Variants in MTMR6 observed in about 807,000 individuals in gnomAD.
MTMR6 encodes myotubularin related protein 6.
In MTMR6, 47 loss-of-function variants were observed where a neutral mutation model predicts 80.1. The ratio of observed to expected loss-of-function variants is 0.59; its 90% CI spans 0.46 to 0.75. The LOEUF is 0.75. Among genes scored for constraint, MTMR6 ranks in the 30% least tolerant of loss-of-function variants. MTMR6 has a pLI of 0.00. For missense variants in MTMR6, 629 were observed against 730.9 expected (o/e 0.86, Z 1.61); for synonymous variants, 254 against 253.0 (o/e 1.00, Z -0.04).
At chr13:25,272,772 G>A (rs1012745351) in intron 2 of MTMR6, among the ~76,000 whole-genome samples, 2 of 152,150 alleles carry the variant, frequency 1.3e-5, no homozygotes, top group Non-Finnish European at 2.9e-5. Flanking sequence ...TAAAGGCCAT[G>A]ATTTTGTTCT....
At position 25,251,659 on chromosome 13, in the gene MTMR6, T is replaced by A. The variant is rs1392892050; in HGVS notation, c.1595A>T (p.Asp532Val). ...QNKQLEKDIK[D>V]LESKIKQRKN... Reference sequence around the variant, plus strand: ...CTTCAGAATACTTACAGATTCTAGGTCTTTAATATCTTTCTCTAATTGTTT... The same window carrying A: ...CTTCAGAATACTTACAGATTCTAGGACTTTAATATCTTTCTCTAATTGTTT... The change falls in exon 13 of 14, where the codon GAC becomes GTC. Residue 532 changes from aspartate to valine, a missense_variant. Physicochemically the swap from Asp to Val is radical, Grantham distance 152 (BLOSUM62 -3). Transcript: ENST00000381801. This position sits in a 1 kb window ranked among gnomAD's most constrained non-coding sequence, Gnocchi z 4.1. 6.7e-7 allele frequency: 1 copy of A among 1,498,096 alleles called. No individual in the cohort carries two copies. The highest frequency in any genetic ancestry group is 1.2e-5 in the South Asian group (1 of 85,508). The allele number at this position is 1,498,096 out of a possible 1,614,324, so 92.8% of individuals were successfully genotyped here.
intron 6 of MTMR6, chr13:25,260,518 G>T: frequency 1.4e-6 from 1 of 722,606 alleles, no homozygotes; most frequent in Non-Finnish European, 2.0e-6. Context: ...TTCTAAAATA[G>T]TGACCATTCC....
In MTMR6 at chr13:25,249,290, G is replaced by GA. The variant is rs1225797316; in HGVS notation, c.1807dup (p.Ser603PhefsTer2). 5.0e-6 allele frequency: 8 copies of GA among 1,614,072 alleles called. No homozygotes were observed. Among genetic ancestry groups the GA allele is most frequent in the Non-Finnish European group, 6.8e-6 (8 of 1,179,956 alleles). On this transcript the variant is annotated frameshift_variant, in exon 14 of 14. Transcript: ENST00000381801. LOFTEE classifies it high-confidence loss of function. ...GCTGACCACAGCAGGTTCTGATTTA[G>GA]AAAACTCTTCTGCATATTCACTATA...
chr13:25,260,854 C>T (rs934733346), intron 6 of MTMR6, among the ~76,000 whole-genome samples: 3 of 152,032 alleles, frequency 2.0e-5, no homozygotes, highest in African/African-American at 7.2e-5. Flanking sequence ...ACACAAGATG[C>T]CTAAGATAAC....
chr13:25,275,831 C>T (rs960265133), intron 1 of MTMR6, among the ~76,000 whole-genome samples: 8 of 139,758 alleles, frequency 5.7e-5, no homozygotes, highest in African/African-American at 1.7e-4. Flanking sequence ...ACTGCACTCC[C>T]GCCTGGGCAA....
intron 8 of MTMR6, 90 bp downstream of exon 8, chr13:25,257,646 G>T: frequency 1.1e-6 from 1 of 911,752 alleles, no homozygotes; most frequent in African/African-American, 1.6e-5. Context: ...AAAGTTATCT[G>T]ATGAATAGAT....
At chr13:25,279,007 A>G (rs1957785474) in intron 1 of MTMR6, among the ~76,000 whole-genome samples, 1 of 152,242 alleles carries the variant, frequency 6.6e-6, no homozygotes, top group African/African-American at 2.4e-5. Flanking sequence ...AATTCACTCA[A>G]CAAAAATGTA....
rs1261763810 is a variant in MTMR6, at chr13:25,246,821, C to A, written c.*2411G>T. ...CAAGATTCCCTGAGCTACTTCTAGC[C>A]TAGCTGACCTTTTCAAAACACCCTC... On this transcript the variant is annotated 3_prime_UTR_variant, in exon 14 of 14. Transcript: ENST00000381801. 2 of 152,508 alleles carry A rather than the reference C, an allele frequency of 1.3e-5. No homozygotes were observed. Among genetic ancestry groups the A allele is most frequent in the African/African-American group, 4.8e-5 (2 of 41,422 alleles). The allele number at this position is 152,508 out of a possible 1,614,324, so 9.4% of individuals were successfully genotyped here. A position where few individuals can be genotyped will look rare whatever the true frequency, so the allele number is the denominator to read the frequency against.
chr13:25,251,939 G>A lies in MTMR6; in HGVS notation c.1392C>T (p.Asp464=). The part of the protein sequence containing the change: ...TYSLWPFLLE[D]QKKYLNPLYS... ...AGAGAGGATTTAAGTACTTCTTTTG[G>A]TCTTCCAAAAGAAATGGCCACAGGG... Residue 464 remains aspartate, a synonymous_variant, in exon 12 of 14, where the codon GAC becomes GAT. Coordinates refer to ENST00000381801, the MANE Select transcript of MTMR6 (RefSeq NM_004685.5). The surrounding 1 kb of genome is among the most constrained non-coding windows in gnomAD (Gnocchi z 4.1). 6.2e-7 allele frequency: 1 copy of A among 1,610,240 alleles called. No individual in the cohort carries two copies. The highest frequency in any genetic ancestry group is 8.5e-7 in the Non-Finnish European group (1 of 1,178,854).
Position 25,251,583 on chromosome 13 carries a change from C to A in MTMR6, c.1605+66G>T, listed in dbSNP as rs955434974. On this transcript the variant is annotated intron_variant, in intron 13 of 13. Transcript: ENST00000381801. This position sits in a 1 kb window ranked among gnomAD's most constrained non-coding sequence, Gnocchi z 4.1. Reference sequence around the variant, plus strand: ...TATGTGCTGATTTACACCAACAATACAAATATTAGTCTAATCGTAAACTAA... The same window carrying A: ...TATGTGCTGATTTACACCAACAATAAAAATATTAGTCTAATCGTAAACTAA... The A allele has an allele frequency of 7.3e-5, 97 of 1,329,654 alleles. No individual in the cohort carries two copies. Among genetic ancestry groups the A allele is most frequent in the Middle Eastern group, 2.7e-4 (1 of 3,754 alleles). The allele number at this position is 1,329,654 out of a possible 1,614,324, so 82.4% of individuals were successfully genotyped here.
intron 2 of MTMR6, 57 bp downstream of exon 2, chr13:25,274,014 A>T: frequency 1.7e-6 from 2 of 1,180,694 alleles, no homozygotes; most frequent in Non-Finnish European, 2.4e-6. Context: ...AAAATAAAAC[A>T]TGACAGACCA....
intron 1 of MTMR6, among the ~76,000 whole-genome samples, chr13:25,286,377 G>C (rs1274381540): frequency 6.6e-6 from 1 of 152,126 alleles, no homozygotes; most frequent in Admixed American, 6.5e-5. Flanking sequence ...CAGTGGGCTC[G>C]CAGTGATTTT....
At chr13:25,261,616 A>C in intron 6 of MTMR6, 52 bp downstream of exon 6, 15 of 1,414,740 alleles carry the variant, frequency 1.1e-5, no homozygotes, top group Non-Finnish European at 1.4e-5. Context: ...TCATTAAGTA[A>C]AGTAATAAAA....
chr13:25,270,035 G>A (rs1407430383), intron 2 of MTMR6, among the ~76,000 whole-genome samples: 1 of 152,030 alleles, frequency 6.6e-6, no homozygotes, highest in African/African-American at 2.4e-5. Flanking sequence ...TAAAGATTTT[G>A]GTATATTTGC....
At chr13:25,268,319 G>C (rs1308492491) in intron 2 of MTMR6, among the ~76,000 whole-genome samples, 1 of 152,124 alleles carries the variant, frequency 6.6e-6, no homozygotes, top group African/African-American at 2.4e-5. Flanking sequence ...CTGACCCTCT[G>C]ATCCATTTTC....
At position 25,256,311 on chromosome 13, in the gene MTMR6, G is replaced by A. The variant is rs1414788855; in HGVS notation, c.1095+885C>T. Among the ~76,000 whole-genome samples the A allele has an allele frequency of 2.0e-5, 3 of 152,148 alleles. No individual in the cohort carries two copies. In the South Asian group the frequency reaches 6.2e-4, roughly 32 times the overall value. On this transcript the variant is annotated intron_variant, in intron 9 of 13. Coordinates refer to ENST00000381801, the MANE Select transcript of MTMR6 (RefSeq NM_004685.5). ...TAACAAATAATTAAAGCCAAACATG[G>A]CAAAGAAAATATTCCTTATCGTACA...
rs758271738 is a variant in MTMR6, at chr13:25,251,776, C to A, written c.1479-1G>T. The A allele has an allele frequency of 6.2e-7, 1 of 1,606,480 alleles. No individual in the cohort carries two copies. Among genetic ancestry groups the A allele is most frequent in the South Asian group, 1.1e-5 (1 of 89,242 alleles). On this transcript the variant is annotated splice_acceptor_variant, in intron 12 of 13. Coordinates refer to ENST00000381801, the MANE Select transcript of MTMR6 (RefSeq NM_004685.5). LOFTEE classifies it high-confidence loss of function. This position sits in a 1 kb window ranked among gnomAD's most constrained non-coding sequence, Gnocchi z 4.1. ...TTGATGGTACATGTTCCTCCAAAACCTTTATGACAAAAAAAAGTTTCAATA... is the reference window on the plus strand; with the variant it reads ...TTGATGGTACATGTTCCTCCAAAACATTTATGACAAAAAAAAGTTTCAATA...
At chr13:25,260,836 C>T in intron 6 of MTMR6, 1 of 256,308 alleles carries the variant, frequency 3.9e-6, no homozygotes, top group Non-Finnish European at 7.0e-6. Flanking sequence ...AAAATTTGGC[C>T]CCATAGCACA....
rs34885345 is a variant in MTMR6 at position 25,266,200 on chromosome 13, C to T, written c.391G>A (p.Ala131Thr). 3.6e-3 allele frequency: 5,844 copies of T among 1,614,010 alleles called. 205 individuals carry two copies. In the African/African-American group the frequency reaches 0.068, roughly 19 times the overall value. Residue 131 changes from alanine (A) to threonine (T), a missense_variant, in exon 4 of 14, where the codon GCT becomes ACT. By Grantham distance (58) the Ala-to-Thr change is moderately conservative. Transcript: ENST00000381801. The part of the protein sequence containing the change: ...RLQGWQLIDL[A>T]EEYKRMGVPN... ...ACTCCCATCCTCTTATATTCCTCAG[C>T]GAGATCAATGAGCTGCCAGCCTTGT...
Sources: gnomAD v4.1 joint callset for allele counts (sites outside exome capture counted in the v4.1 genomes callset) on GRCh38, gnomAD v4.1.1 for gene constraint, Gnocchi (gnomAD v3.1) non-coding constraint, MANE v1.5 for transcripts, NCBI Gene and HGNC (gene_info 2026-07-23, HGNC 2026-07-21) for gene names.